ZNF649: variants seen among roughly 807,000 people sequenced by gnomAD.
ZNF649 encodes the protein zinc finger protein 649.
In ZNF649, 7 loss-of-function variants were observed where a neutral mutation model predicts 14.1. The observed-to-expected ratio is 0.49, with a 90% CI of 0.28 to 0.93. ZNF649 has a LOEUF of 0.93. Ranked by LOEUF, ZNF649 falls within the 40% of genes least tolerant of loss-of-function variation. The pLI is 0.10. For missense variants in ZNF649, 544 were observed against 608.1 expected (o/e 0.89, Z 1.11); for synonymous variants, 227 against 212.3 (o/e 1.07, Z -0.60).
intron 2 of ZNF649, among the ~76,000 whole-genome samples, chr19:51,897,823 TG>T (rs2085072297): frequency 6.6e-6 from 1 of 152,056 alleles, no homozygotes; most frequent in African/African-American, 2.4e-5. Context: ...TCTTTCACAT[TG>T]AAAATCTATC....
rs2122769134 is a variant in ZNF649, at chr19:51,898,639, G to A, written c.15+1454C>T. Among the ~76,000 whole-genome samples the A allele has an allele frequency of 1.3e-5, 2 of 151,936 alleles. 1 individual carries two copies. Among genetic ancestry groups the A allele is most frequent in the East Asian group, 3.9e-4 (2 of 5,176 alleles). On this transcript the variant is annotated intron_variant, in intron 2 of 4. Transcript: ENST00000354957. The stretch of plus-strand genomic sequence containing the variant: ...ATTAAATCATCAACCATGGCTGGGT[G>A]CGGTGGCTCACACCTGTAATCCCAA...
Position 51,891,650 on chromosome 19 carries a change from C to T in ZNF649, c.486G>A (p.Lys162=). The T allele has an allele frequency of 6.2e-7, 1 of 1,614,228 alleles. No individual in the cohort carries two copies. Among genetic ancestry groups the T allele is most frequent in the Admixed American group, 1.7e-5 (1 of 60,032 alleles). ...TTTGCTGATGTTTAAGGAATTGTGACTTGGTGCTGATGGGTTTTCTACTTT... is the reference window on the plus strand; with the variant it reads ...TTTGCTGATGTTTAAGGAATTGTGATTTGGTGCTGATGGGTTTTCTACTTT... The part of the protein sequence containing the change: ...FPESRKPIST[K]SQFLKHQQTH... Residue 162 remains lysine (K), a synonymous_variant, in exon 5 of 5, where the codon AAG becomes AAA. Transcript: ENST00000354957. This position sits in a 1 kb window ranked among gnomAD's most constrained non-coding sequence, Gnocchi z 4.2.
chr19:51,897,073 C>T, intron 2 of ZNF649, 95 bp from the exon 3 acceptor site: 4 of 1,545,540 alleles, frequency 2.6e-6, no homozygotes, highest in Non-Finnish European at 3.5e-6. Flanking sequence ...TAAGCTGCAC[C>T]TGCACAGTTG....
intron 2 of ZNF649, 193 bp downstream of exon 2, chr19:51,899,900 G>C: frequency 2.3e-6 from 1 of 427,058 alleles, no homozygotes; most frequent in Non-Finnish European, 4.1e-6. Flanking sequence ...TTCCAACACT[G>C]GTCACATGTG....
In ZNF649 at chr19:51,889,384, G is replaced by A. The variant is rs904058631; in HGVS notation, c.*1234C>T. ...GCCTTAACAAACATTCATTTCTCACGTTCCAGAGGCTGAGGAGTCTCTAGA... is the reference window on the plus strand; with the variant it reads ...GCCTTAACAAACATTCATTTCTCACATTCCAGAGGCTGAGGAGTCTCTAGA... On this transcript the variant is annotated 3_prime_UTR_variant, in exon 5 of 5. Transcript: ENST00000354957. 9 of 152,156 alleles carry A rather than the reference G, an allele frequency of 5.9e-5. No homozygotes were observed. Among genetic ancestry groups the A allele is most frequent in the African/African-American group, 1.4e-4 (6 of 41,430 alleles). 9.4% of individuals were successfully genotyped at this position (152,156 alleles called of 1,614,324 possible).
At position 51,890,669 on chromosome 19, in the gene ZNF649, A is replaced by T; in HGVS notation, c.1467T>A (p.Thr489=). The T allele has an allele frequency of 6.2e-7, 1 of 1,614,146 alleles. No individual in the cohort carries two copies. Among genetic ancestry groups the T allele is most frequent in the Non-Finnish European group, 8.5e-7 (1 of 1,180,012 alleles). Residue 489 remains threonine (T), a synonymous_variant, in exon 5 of 5, where the codon ACT becomes ACA. Transcript: ENST00000354957. ...CACACTGCCCTGCCACCATTGCCAC[A>T]GTTACCATATTAACAGGGCTTTTCC... ...VQGKSPVNMV[T]VAMVAGQCEF...
chr19:51,894,394 A>G (rs2085045949), intron 4 of ZNF649, among the ~76,000 whole-genome samples: 1 of 152,168 alleles, frequency 6.6e-6, no homozygotes, highest in South Asian at 2.1e-4. Flanking sequence ...TCGGCCTCCC[A>G]AAGTGCTGGG....
Position 51,890,547 on chromosome 19 carries a change from C to T in ZNF649, c.*71G>A. 1 of 1,023,144 alleles carries T rather than the reference C, an allele frequency of 9.8e-7. No individual in the cohort carries two copies. The highest frequency in any genetic ancestry group is 2.0e-5 in the Admixed American group (1 of 49,316). The allele number at this position is 1,023,144 out of a possible 1,614,324, so 63.4% of individuals were successfully genotyped here. On this transcript the variant is annotated 3_prime_UTR_variant, in exon 5 of 5. Coordinates refer to ENST00000354957, the MANE Select transcript of ZNF649 (RefSeq NM_023074.4). ...CTACTATACATATTAGTGCAGGGAG[C>T]CAAAGGCCCATGGGACATGACAAAC...
intron 4 of ZNF649, chr19:51,896,189 TGAA>T (rs752783031): frequency 7.4e-4 from 214 of 289,264 alleles, no homozygotes; most frequent in Non-Finnish European, 1.0e-3. Flanking sequence ...TGACAAGTGA[TGAA>T]GAAGAATGGG....
intron 2 of ZNF649, chr19:51,897,199 A>T: frequency 3.9e-6 from 2 of 513,846 alleles, no homozygotes; most frequent in Non-Finnish European, 6.8e-6. Context: ...TGTATAAGCG[A>T]GTTTCACATC....
Position 51,896,965 on chromosome 19 carries a change from A to G in ZNF649, c.29T>C (p.Leu10Pro), listed in dbSNP as rs746797281. 6.2e-7 allele frequency: 1 copy of G among 1,614,092 alleles called. No homozygotes were observed. Among genetic ancestry groups the G allele is most frequent in the Non-Finnish European group, 8.5e-7 (1 of 1,180,026 alleles). MTKAQESLT[L>P]EDVAVDFTWE... is the part of the protein sequence containing the mutation. ...GGTGAAGTCCACAGCCACATCCTCC[A>G]GGGTCAGTGATTCCTGTAATAACAC... is the stretch of plus-strand genomic sequence containing the variant. Residue 10 changes from leucine (L) to proline (P), a missense_variant, in exon 3 of 5, where the codon CTG becomes CCG. Coordinates refer to ENST00000354957, the MANE Select transcript of ZNF649 (RefSeq NM_023074.4).
At position 51,891,872 on chromosome 19, in the gene ZNF649, C is replaced by T; in HGVS notation, c.264G>A (p.Leu88=). Residue 88 remains leucine, a synonymous_variant, in exon 5 of 5, where the codon CTG becomes CTA. Coordinates refer to ENST00000354957, the MANE Select transcript of ZNF649 (RefSeq NM_023074.4). This position sits in a 1 kb window ranked among gnomAD's most constrained non-coding sequence, Gnocchi z 4.2. Reference sequence around the variant, plus strand: ...TTTTTTGGTTTTGCAAGGGCTGCTGCAGATGATCATCAGCTTTCTCAATTT... The same window carrying T: ...TTTTTTGGTTTTGCAAGGGCTGCTGTAGATGATCATCAGCTTTCTCAATTT... The part of the protein sequence containing the change: ...HPEIEKADDH[L]QQPLQNQKIL... 6.4e-7 allele frequency: 1 copy of T among 1,570,920 alleles called. No homozygotes were observed.
chr19:51,893,181 C>A (rs1381439765), intron 4 of ZNF649, among the ~76,000 whole-genome samples: 1 of 152,128 alleles, frequency 6.6e-6, no homozygotes. Context: ...CTGTAAAAGA[C>A]CTGCTAGCAT....
rs1225178832 is a variant in ZNF649, at chr19:51,900,088, G to T, written c.15+5C>A. On this transcript the variant is annotated splice_donor_5th_base_variant and intron_variant, in intron 2 of 4. Transcript: ENST00000354957. ...GAGTTAAGAATAAAACAAACCAAAAGTTACCTGGGCCTTTGTCATTTTCTT... is the reference window on the plus strand; with the variant it reads ...GAGTTAAGAATAAAACAAACCAAAATTTACCTGGGCCTTTGTCATTTTCTT... 4.6e-6 allele frequency: 7 copies of T among 1,524,364 alleles called. No homozygotes were observed. Among genetic ancestry groups the T allele is most frequent in the Non-Finnish European group, 6.2e-6 (7 of 1,135,460 alleles). The allele number at this position is 1,524,364 out of a possible 1,614,324, so 94.4% of individuals were successfully genotyped here.
At chr19:51,900,985 C>T (rs1442237396) in intron 1 of ZNF649, among the ~76,000 whole-genome samples, 6 of 152,176 alleles carry the variant, frequency 3.9e-5, no homozygotes, top group Non-Finnish European at 8.8e-5. Context: ...ACAGCAAAAC[C>T]AGCAAAGGTA....
In ZNF649 at chr19:51,896,754, T is replaced by C; in HGVS notation, c.142+98A>G. 4.3e-6 allele frequency: 7 copies of C among 1,612,420 alleles called. No homozygotes were observed. The South Asian group carries it at 7.7e-5, about 18-fold the overall frequency. On this transcript the variant is annotated intron_variant, in intron 3 of 4. Coordinates refer to ENST00000354957, the MANE Select transcript of ZNF649 (RefSeq NM_023074.4). ...CAGAGACGGGCCTGAGGATCTGCCATTTGGGAGCACAGCAGACATACCAAA... is the reference window on the plus strand; with the variant it reads ...CAGAGACGGGCCTGAGGATCTGCCACTTGGGAGCACAGCAGACATACCAAA...
intron 4 of ZNF649, among the ~76,000 whole-genome samples, chr19:51,895,712 CCT>C (rs1167481839): frequency 6.6e-6 from 1 of 151,642 alleles, no homozygotes; most frequent in Non-Finnish European, 1.5e-5. Flanking sequence ...ACTCTTTCTC[CCT>C]CTCTCTCTTA....
intron 4 of ZNF649, among the ~76,000 whole-genome samples, chr19:51,893,288 G>A (rs892039): frequency 0.2 from 30,159 of 151,878 alleles, 3,500 homozygotes; most frequent in South Asian, 0.38. Flanking sequence ...GCACATGTTT[G>A]CTGATTCTCA....
At chr19:51,896,697 A>AC in intron 3 of ZNF649, 130 bp from the exon 4 acceptor site, 1 of 1,567,954 alleles carries the variant, frequency 6.4e-7, no homozygotes, top group South Asian at 1.1e-5. Context: ...TTTTTCTAAG[A>AC]CGAAGGAAGA....
Sources: allele counts gnomAD v4.1 joint callset (sites outside exome capture counted in the v4.1 genomes callset), GRCh38; gene constraint gnomAD v4.1.1; non-coding constraint Gnocchi (gnomAD v3.1); transcripts MANE v1.5; gene names NCBI Gene and HGNC (gene_info 2026-07-23, HGNC 2026-07-21).